TMX2: variants seen among roughly 807,000 people sequenced by gnomAD.
TMX2 encodes thioredoxin related transmembrane protein 2.
TMX2 carries 20 observed loss-of-function variants against 33.4 expected under a neutral mutation model. That is an observed-to-expected ratio of 0.60 (90% CI 0.42 to 0.87). The LOEUF (loss-of-function observed/expected upper bound fraction) is 0.87. Ranked by LOEUF, TMX2 falls within the 40% of genes least tolerant of loss-of-function variation. TMX2 has a pLI of 0.00. For synonymous variants in TMX2, 166 were observed against 140.7 expected (o/e 1.18, Z -1.27); for missense variants, 340 against 370.7 (o/e 0.92, Z 0.68).
intron 1 of TMX2, 80 bp from the exon 2 acceptor site, chr11:57,737,528 A>G (rs1948823302): frequency 1.7e-6 from 2 of 1,205,746 alleles, no homozygotes; most frequent in South Asian, 1.2e-5. Flanking sequence ...ATTGGTTTTT[A>G]TTACATATTT....
chr11:57,739,263 A>G lies in TMX2; in HGVS notation c.744+3A>G. The G allele has an allele frequency of 6.2e-7, 1 of 1,614,102 alleles. No individual in the cohort carries two copies. The highest frequency in any genetic ancestry group is 8.5e-7 in the Non-Finnish European group (1 of 1,180,006). ...CTGTCTCATGGACCTTCTCTGAGGT[A>G]CCTGAAAGGAAGGGCAGGTGCATGA... On this transcript the variant is annotated splice_donor_region_variant and intron_variant, in intron 7 of 7. Transcript: ENST00000278422.
chr11:57,740,276 G>A lies in TMX2; in HGVS notation c.*31G>A, dbSNP rs1478304091. 5 of 1,548,338 alleles carry A rather than the reference G, an allele frequency of 3.2e-6. No homozygotes were observed. The highest frequency in any genetic ancestry group is 1.7e-6 in the Non-Finnish European group (2 of 1,151,390). The stretch of plus-strand genomic sequence containing the variant: ...TCACTTTGGCAGTGCTTCCTCTCCT[G>A]TCAATTCCAGGCTCTTTCCATAACC... On this transcript the variant is annotated 3_prime_UTR_variant, in exon 8 of 8. Coordinates refer to ENST00000278422, the MANE Select transcript of TMX2 (RefSeq NM_015959.4).
chr11:57,719,888 G>C (rs1360064830), intron 1 of TMX2, among the ~76,000 whole-genome samples: 2 of 151,932 alleles, frequency 1.3e-5, no homozygotes, highest in Non-Finnish European at 2.9e-5. Flanking sequence ...CTCCAAAACT[G>C]GTTGTTCCAT....
At chr11:57,713,034 G>T (rs558390837) in intron 1 of TMX2, among the ~76,000 whole-genome samples, 2 of 152,334 alleles carry the variant, frequency 1.3e-5, no homozygotes, top group African/African-American at 4.8e-5. Context: ...CGGCCCAACA[G>T]CTTTTGACTG....
chr11:57,729,156 A>G (rs1346803376), intron 1 of TMX2, among the ~76,000 whole-genome samples: 2 of 152,134 alleles, frequency 1.3e-5, no homozygotes, highest in Non-Finnish European at 2.9e-5. Flanking sequence ...ATCTAAGACT[A>G]AGGAGAAAAT....
At chr11:57,733,795 C>T (rs1948555544) in intron 1 of TMX2, among the ~76,000 whole-genome samples, 1 of 152,118 alleles carries the variant, frequency 6.6e-6, no homozygotes, top group South Asian at 2.1e-4. Context: ...ATTATAGAGT[C>T]ATCCTAGAAC....
intron 1 of TMX2, among the ~76,000 whole-genome samples, chr11:57,713,520 C>G (rs1190588071): frequency 6.6e-6 from 1 of 152,066 alleles, no homozygotes; most frequent in African/African-American, 2.4e-5. Flanking sequence ...AGGGACTGCT[C>G]GGAACATAAA....
intron 1 of TMX2, among the ~76,000 whole-genome samples, chr11:57,717,746 GGGGAGA>G (rs202170208): frequency 2.2e-4 from 19 of 84,726 alleles, no homozygotes; most frequent in African/African-American, 1.1e-3. Flanking sequence ...AGAGGGGAGA[GGGGAGA>G]GGGAGAGGCA....
chr11:57,723,140 G>A (rs929104746), intron 1 of TMX2, among the ~76,000 whole-genome samples: 16 of 151,722 alleles, frequency 1.1e-4, no homozygotes, highest in African/African-American at 3.4e-4. Flanking sequence ...ATAAACACAC[G>A]GATGTCAACT....
At chr11:57,719,841 C>T (rs934072683) in intron 1 of TMX2, among the ~76,000 whole-genome samples, 2 of 151,948 alleles carry the variant, frequency 1.3e-5, no homozygotes, top group African/African-American at 4.8e-5. Context: ...ATTTCATTAG[C>T]CTTTTGGGGA....
intron 1 of TMX2, among the ~76,000 whole-genome samples, chr11:57,714,709 C>T (rs1430590831): frequency 1.3e-5 from 2 of 152,064 alleles, no homozygotes; most frequent in Non-Finnish European, 2.9e-5. Context: ...CCTGCCACCT[C>T]AGCTTTCCAG....
intron 1 of TMX2, among the ~76,000 whole-genome samples, chr11:57,729,936 C>T (rs937683257): frequency 1.3e-5 from 2 of 151,258 alleles, no homozygotes; most frequent in African/African-American, 4.9e-5. Flanking sequence ...GGTGAAACCC[C>T]GTCTCTACTA....
Position 57,713,782 on chromosome 11 carries a change from C to T in TMX2, c.189+975C>T, listed in dbSNP as rs976156175. 3.3e-5 allele frequency among the ~76,000 whole-genome samples: 5 copies of T among 152,070 alleles called. No homozygotes were observed. In the South Asian group the frequency reaches 1.0e-3, roughly 32 times the overall value. On this transcript the variant is annotated intron_variant, in intron 1 of 7. Transcript: ENST00000278422. ...AAATGTGGGTGATTTTAAGGTGGAT[C>T]GTAAATGATTTTTAGGGTGATTCAG...
rs11827090 is a variant in TMX2, at chr11:57,715,972, G to A, written c.189+3165G>A. On this transcript the variant is annotated intron_variant, in intron 1 of 7. Coordinates refer to ENST00000278422, the MANE Select transcript of TMX2 (RefSeq NM_015959.4). Reference sequence around the variant, plus strand: ...TACAGAACAAAATGAAAAGTTTCCCGTGTCTACTTCTTTCTACACAGACAC... The same window carrying A: ...TACAGAACAAAATGAAAAGTTTCCCATGTCTACTTCTTTCTACACAGACAC... Among the ~76,000 whole-genome samples the A allele has an allele frequency of 5.3e-5, 8 of 152,172 alleles. 1 individual carries two copies. The South Asian group carries it at 6.2e-4, about 12-fold the overall frequency.
At chr11:57,713,830 C>T (rs1324722420) in intron 1 of TMX2, among the ~76,000 whole-genome samples, 1 of 152,106 alleles carries the variant, frequency 6.6e-6, no homozygotes, top group Non-Finnish European at 1.5e-5. Context: ...CATACAGTGG[C>T]CTGGGACAAT....
chr11:57,715,369 C>T (rs542724796), intron 1 of TMX2, among the ~76,000 whole-genome samples: 18 of 151,560 alleles, frequency 1.2e-4, no homozygotes, highest in Non-Finnish European at 2.1e-4. Flanking sequence ...CCATTGCACT[C>T]CAGCCTGGGC....
intron 1 of TMX2, among the ~76,000 whole-genome samples, chr11:57,736,271 G>A (rs912140677): frequency 1.3e-5 from 2 of 151,490 alleles, no homozygotes; most frequent in African/African-American, 2.4e-5. Context: ...TGGCTTCCCT[G>A]GGCCACATTG....
chr11:57,738,358 C>T lies in TMX2; in HGVS notation c.369C>T (p.Phe123=), dbSNP rs1948876750. Residue 123 remains phenylalanine, a synonymous_variant, in exon 4 of 8, where the codon TTC becomes TTT. Transcript: ENST00000278422. ...ACATCTTCTTTCTGTATTTAGTGTTCCTGATGACGTGCAAACCCCCCCTAT... is the reference window on the plus strand; with the variant it reads ...ACATCTTCTTTCTGTATTTAGTGTTTCTGATGACGTGCAAACCCCCCCTAT... ...GLLYITLCIV[F]LMTCKPPLYM... is the part of the protein sequence containing the mutation. 1 of 1,604,910 alleles carries T rather than the reference C, an allele frequency of 6.2e-7. No individual in the cohort carries two copies. The highest frequency in any genetic ancestry group is 8.5e-7 in the Non-Finnish European group (1 of 1,171,924).
At chr11:57,723,244 C>A (rs764273635) in intron 1 of TMX2, among the ~76,000 whole-genome samples, 6 of 151,652 alleles carry the variant, frequency 4.0e-5, no homozygotes, top group Non-Finnish European at 7.4e-5. Context: ...CTTTGGGAGG[C>A]CAGGGCGGAT....
Sources: allele counts gnomAD v4.1 joint callset (sites outside exome capture counted in the v4.1 genomes callset), GRCh38; gene constraint gnomAD v4.1.1; transcripts MANE v1.5; gene names NCBI Gene and HGNC (gene_info 2026-07-23, HGNC 2026-07-21).